Variants in ARHGAP17 observed in about 807,000 individuals in gnomAD.
ARHGAP17 encodes the protein Rho GTPase activating protein 17.
In ARHGAP17, 57 loss-of-function variants were observed where a neutral mutation model predicts 99.5. The observed-to-expected ratio is 0.57, with a 90% confidence interval of 0.46 to 0.71. The LOEUF (loss-of-function observed/expected upper bound fraction) is 0.71, where lower values mean the gene tolerates loss of function less well. ARHGAP17 is among the 30% of genes least tolerant of loss of function. ARHGAP17 has a pLI of 0.00. For synonymous variants in ARHGAP17, 417 were observed against 429.6 expected (o/e 0.97, Z 0.36); for missense variants, 1,000 against 1,122.4 (o/e 0.89, Z 1.56).
At chr16:25,009,931 C>T (rs1016317183) in intron 1 of ARHGAP17, among the ~76,000 whole-genome samples, 6 of 152,124 alleles carry the variant, frequency 3.9e-5, no homozygotes, top group Non-Finnish European at 7.4e-5. Context: ...CATTAATAAA[C>T]ACTAATCCTT....
chr16:24,959,867 C>A (rs775845006), intron 8 of ARHGAP17, 44 bp downstream of exon 8: 2 of 1,608,278 alleles, frequency 1.2e-6, no homozygotes, highest in Non-Finnish European at 1.7e-6. Flanking sequence ...AAAATGACTC[C>A]ATTTTAACAA....
chr16:24,934,252 C>T (rs1486902127), intron 18 of ARHGAP17, among the ~76,000 whole-genome samples: 1 of 152,064 alleles, frequency 6.6e-6, no homozygotes, highest in Non-Finnish European at 1.5e-5. Flanking sequence ...CCTCTGCCTC[C>T]CAGGTTCAAG....
At chr16:25,011,675 G>A (rs1039714505) in intron 1 of ARHGAP17, among the ~76,000 whole-genome samples, 1 of 150,464 alleles carries the variant, frequency 6.6e-6, no homozygotes, top group Non-Finnish European at 1.5e-5. Flanking sequence ...CTCCAACCTG[G>A]GTGACAGAGC....
Position 24,964,293 on chromosome 16 carries a change from G to A in ARHGAP17, c.477C>T (p.His159=). Residue 159 remains histidine, a synonymous_variant, in exon 7 of 20, where the codon CAC becomes CAT. Coordinates refer to ENST00000289968, the MANE Select transcript of ARHGAP17 (RefSeq NM_001006634.3). ...CCTGAAAGTTGGTTCCTGAGGATTT[G>A]TGAGCTTGGTTCCACCTGCAAAACA... is the stretch of plus-strand genomic sequence containing the variant. ...DSVRARWNQA[H]KSSGTNFQGL... is the part of the protein sequence containing the mutation. 1 of 1,613,412 alleles carries A rather than the reference G, an allele frequency of 6.2e-7. No homozygotes were observed. Among genetic ancestry groups the A allele is most frequent in the Non-Finnish European group, 8.5e-7 (1 of 1,179,650 alleles).
At chr16:24,985,098 C>G (rs1041729913) in intron 1 of ARHGAP17, among the ~76,000 whole-genome samples, 3 of 152,108 alleles carry the variant, frequency 2.0e-5, no homozygotes, top group Middle Eastern at 3.2e-3. Context: ...TTGGCAATGT[C>G]TGGGGACATT....
rs1222165509 is a variant in ARHGAP17 at position 24,949,403 on chromosome 16, C to A, written c.1127+1G>T. ...AGTCATTGTAGCTCAATCATACATA[C>A]CTAAAGTTAACAAAATTTTGTGGTG... On this transcript the variant is annotated splice_donor_variant, in intron 13 of 19. Transcript: ENST00000289968. LOFTEE classifies it high-confidence loss of function. The A allele has an allele frequency of 8.1e-6, 13 of 1,612,910 alleles. No homozygotes were observed. Among genetic ancestry groups the A allele is most frequent in the Non-Finnish European group, 1.1e-5 (13 of 1,179,504 alleles).
At position 24,969,721 on chromosome 16, in the gene ARHGAP17, C is replaced by A. The variant is rs538196263; in HGVS notation, c.272+786G>T. 9.2e-5 allele frequency among the ~76,000 whole-genome samples: 14 copies of A among 152,322 alleles called. No homozygotes were observed. In the East Asian group the frequency reaches 2.7e-3, roughly 29 times the overall value. On this transcript the variant is annotated intron_variant, in intron 4 of 19. Coordinates refer to ENST00000289968, the MANE Select transcript of ARHGAP17 (RefSeq NM_001006634.3). Reference sequence around the variant, plus strand: ...AGCACAAACAGGAAAAACTTCCAGGCTGGAGGGAAGGAGGATGCTGGCAGG... The same window carrying A: ...AGCACAAACAGGAAAAACTTCCAGGATGGAGGGAAGGAGGATGCTGGCAGG...
intron 1 of ARHGAP17, among the ~76,000 whole-genome samples, chr16:24,994,339 C>A (rs1037576155): frequency 5.3e-5 from 8 of 152,218 alleles, no homozygotes; most frequent in African/African-American, 1.9e-4. Flanking sequence ...TAAGCCTTAA[C>A]TGAGTGGAGC....
In ARHGAP17 at chr16:25,003,230, C is replaced by CTTTT. The variant is rs564573463; in HGVS notation, c.53+11975_53+11978dup. On this transcript the variant is annotated intron_variant, in intron 1 of 19. Coordinates refer to ENST00000289968, the MANE Select transcript of ARHGAP17 (RefSeq NM_001006634.3). ...AAACAAGAGTATGCTAGCTTTAAAG[C>CTTTT]TTTTTTTTTTTTTTTTTTTTTTGAG... is the stretch of plus-strand genomic sequence containing the variant. Among the ~76,000 whole-genome samples the CTTTT allele has an allele frequency of 1.0e-3, 94 of 90,734 alleles. 1 individual carries two copies. The highest frequency in any genetic ancestry group is 1.9e-3 in the African/African-American group (53 of 28,440). The allele number at this position is 90,734 out of a possible 152,430, so 59.5% of individuals were successfully genotyped here. A position where few individuals can be genotyped will look rare whatever the true frequency, so the allele number is the denominator to read the frequency against.
At chr16:24,994,913 C>T (rs1000958301) in intron 1 of ARHGAP17, among the ~76,000 whole-genome samples, 1 of 152,202 alleles carries the variant, frequency 6.6e-6, no homozygotes, top group African/African-American at 2.4e-5. Context: ...GACATACCCA[C>T]GTCTCTGTAA....
chr16:24,961,518 ATTTTTTTTT>A (rs1171754361), intron 7 of ARHGAP17, among the ~76,000 whole-genome samples: 1 of 81,500 alleles, frequency 1.2e-5, no homozygotes, highest in Non-Finnish European at 2.3e-5. Context: ...AAAAAAAAAA[ATTTTTTTTT>A]TTTTTTTTTT....
At chr16:24,964,574 A>C (rs2052115447) in intron 6 of ARHGAP17, among the ~76,000 whole-genome samples, 1 of 152,178 alleles carries the variant, frequency 6.6e-6, no homozygotes, top group Non-Finnish European at 1.5e-5. Context: ...CTTGTCTCAC[A>C]CAAACTCTAC....
In ARHGAP17 at chr16:24,989,874, G is replaced by A. The variant is rs547128264; in HGVS notation, c.54-10869C>T. 4.6e-5 allele frequency among the ~76,000 whole-genome samples: 7 copies of A among 152,298 alleles called. No homozygotes were observed. The South Asian group carries it at 1.2e-3, about 27-fold the overall frequency. On this transcript the variant is annotated intron_variant, in intron 1 of 19. Transcript: ENST00000289968. ...AGGCTGGGAAGCATAGGGTGGAGGAGAGATAGGGAGAGGTTAATGGATAGG... is the reference window on the plus strand; with the variant it reads ...AGGCTGGGAAGCATAGGGTGGAGGAAAGATAGGGAGAGGTTAATGGATAGG...
chr16:24,951,080 C>T (rs934094343), intron 12 of ARHGAP17, among the ~76,000 whole-genome samples: 4 of 151,986 alleles, frequency 2.6e-5, no homozygotes, highest in African/African-American at 4.8e-5. Context: ...GGGGAGTCAG[C>T]GCCATGAGAA....
intron 1 of ARHGAP17, 74 bp downstream of exon 1, chr16:25,015,124 ACCGCGGAGGAG>A (rs2053750163): frequency 8.6e-7 from 1 of 1,157,606 alleles, no homozygotes. Context: ...GAGCCGCCGG[ACCGCGGAGGAG>A]CCGTCCCGCC....
At chr16:24,982,659 T>C (rs976613489) in intron 1 of ARHGAP17, among the ~76,000 whole-genome samples, 3 of 152,112 alleles carry the variant, frequency 2.0e-5, no homozygotes, top group African/African-American at 7.2e-5. Flanking sequence ...TCACTGTGAC[T>C]GGTCCAAGCC....
intron 13 of ARHGAP17, chr16:24,949,198 C>G: frequency 2.4e-6 from 1 of 424,488 alleles, no homozygotes; most frequent in Non-Finnish European, 4.2e-6. Flanking sequence ...GTATTAATGT[C>G]AGGCATGATA....
At chr16:24,926,202 A>G (rs1167902380) in intron 19 of ARHGAP17, among the ~76,000 whole-genome samples, 2 of 152,138 alleles carry the variant, frequency 1.3e-5, no homozygotes, top group Non-Finnish European at 2.9e-5. Context: ...GACTTTTTCA[A>G]TTGTATAGCT....
intron 1 of ARHGAP17, among the ~76,000 whole-genome samples, chr16:24,992,685 T>A (rs2053082021): frequency 6.6e-6 from 1 of 152,160 alleles, no homozygotes; most frequent in Non-Finnish European, 1.5e-5. Flanking sequence ...GACTATAAAC[T>A]ACCAACTTGA....
Sources: allele counts gnomAD v4.1 joint callset (sites outside exome capture counted in the v4.1 genomes callset), GRCh38; gene constraint gnomAD v4.1.1; transcripts MANE v1.5; gene names NCBI Gene and HGNC (gene_info 2026-07-23, HGNC 2026-07-21).